Variants in PCDHGA8 observed in about 807,000 individuals in gnomAD.
The protein encoded by PCDHGA8 is protocadherin gamma-A8.
A neutral mutation model predicts 59.2 loss-of-function variants in PCDHGA8; 45 were observed. The observed-to-expected ratio is 0.76, with a 90% CI of 0.60 to 0.98. The LOEUF (loss-of-function observed/expected upper bound fraction) is 0.98, where lower values mean the gene tolerates loss of function less well. PCDHGA8 is among the 50% of genes least tolerant of loss of function. The probability of loss-of-function intolerance (pLI) is 0.00; values close to 1 mark genes in which losing one functional copy is unlikely to be tolerated. For missense variants in PCDHGA8, 1,257 were observed against 1,196.2 expected, an observed-to-expected ratio of 1.05 and a Z score of -0.75; for synonymous variants, 531 against 519.0, an observed-to-expected ratio of 1.02 and a Z score of -0.32.
chr5:141,422,172 C>A, intron 1 of PCDHGA8: 2 of 1,564,780 alleles, frequency 1.3e-6, no homozygotes, highest in Non-Finnish European at 1.7e-6. Context: ...AATATAGATT[C>A]TATGAGATGG....
intron 1 of PCDHGA8, among the ~76,000 whole-genome samples, chr5:141,459,747 A>G (rs553965181): frequency 3.2e-4 from 48 of 152,318 alleles, no homozygotes; most frequent in African/African-American, 1.1e-3. Flanking sequence ...AATTTTAGCA[A>G]TTCTAGTGGG....
In PCDHGA8 at chr5:141,477,629, C is replaced by A. The variant is rs1191573380; in HGVS notation, c.2425-17178C>A. The A allele has an allele frequency of 6.2e-7, 1 of 1,614,040 alleles. No individual in the cohort carries two copies. The highest frequency in any genetic ancestry group is 8.5e-7 in the Non-Finnish European group (1 of 1,180,040). ...CTTGGAGCAAGGAGCTGAAACCGGGCTAGTGGGTCGCTATTTCACAATAAA... is the reference window on the plus strand; with the variant it reads ...CTTGGAGCAAGGAGCTGAAACCGGGATAGTGGGTCGCTATTTCACAATAAA... On this transcript the variant is annotated intron_variant, in intron 1 of 3. Coordinates refer to ENST00000398604, the MANE Select transcript of PCDHGA8 (RefSeq NM_032088.2). The surrounding 1 kb of genome is among the most constrained non-coding windows in gnomAD (Gnocchi z 4.9).
chr5:141,431,973 TC>T lies in PCDHGA8; in HGVS notation c.2424+36737del, dbSNP rs770294598. 13 of 1,614,100 alleles carry T rather than the reference TC, an allele frequency of 8.1e-6. No individual in the cohort carries two copies. The highest frequency in any genetic ancestry group is 1.0e-5 in the Non-Finnish European group (12 of 1,180,038). On this transcript the variant is annotated intron_variant, in intron 1 of 3. Transcript: ENST00000398604. This position sits in a 1 kb window ranked among gnomAD's most constrained non-coding sequence, Gnocchi z 4.8. ...TCTTACGGAAATTACTATAGTTTAG[TC>T]ACAGACATAGTCTTGGATAGGGAAC...
chr5:141,427,960 G>A, intron 1 of PCDHGA8: 2 of 1,589,168 alleles, frequency 1.3e-6, no homozygotes, highest in East Asian at 2.2e-5. Context: ...AATGTGCCGC[G>A]GGTGCTGTAC....
chr5:141,487,258 G>A lies in PCDHGA8; in HGVS notation c.2425-7549G>A, dbSNP rs368598017. The A allele has an allele frequency of 3.7e-6, 6 of 1,614,026 alleles. No homozygotes were observed. Among genetic ancestry groups the A allele is most frequent in the Non-Finnish European group, 4.2e-6 (5 of 1,180,030 alleles). On this transcript the variant is annotated intron_variant, in intron 1 of 3. Transcript: ENST00000398604. The surrounding 1 kb of genome is among the most constrained non-coding windows in gnomAD (Gnocchi z 5.0). ...CTCGTCTAACCCTCTACTTGGCTGT[G>A]TCCCTAGTGGCAATTTGCTTTGTCT...
At chr5:141,427,700 C>A in intron 1 of PCDHGA8, 3 of 945,490 alleles carry the variant, frequency 3.2e-6, no homozygotes, top group South Asian at 2.7e-5. Flanking sequence ...TCCCACAAGT[C>A]AGCGCCTCTG....
intron 1 of PCDHGA8, chr5:141,411,324 C>T (rs1171274674): frequency 1.3e-5 from 2 of 152,166 alleles, no homozygotes; most frequent in Admixed American, 6.5e-5. Context: ...AATCACAGCA[C>T]TTTGATAGGC....
chr5:141,506,506 C>T (rs1279198463), intron 3 of PCDHGA8, among the ~76,000 whole-genome samples: 2 of 151,030 alleles, frequency 1.3e-5, no homozygotes. Context: ...GATTCAAATC[C>T]TGGCACCTGG....
chr5:141,432,374 C>T lies in PCDHGA8; in HGVS notation c.2424+37137C>T. The T allele has an allele frequency of 6.2e-7, 1 of 1,614,240 alleles. No individual in the cohort carries two copies. The highest frequency in any genetic ancestry group is 1.1e-5 in the South Asian group (1 of 91,082). ...GAAAGTGATGGCGCGGGACAACGGG[C>T]ACCCGCCCCTCAGCAGCAACGTGTC... On this transcript the variant is annotated intron_variant, in intron 1 of 3. Transcript: ENST00000398604. The surrounding 1 kb of genome is among the most constrained non-coding windows in gnomAD (Gnocchi z 6.0).
chr5:141,438,623 TATATATATATATACAC>T (rs1207200307), intron 1 of PCDHGA8, among the ~76,000 whole-genome samples: 21 of 42,842 alleles, frequency 4.9e-4, no homozygotes, highest in South Asian at 2.6e-3. Flanking sequence ...TATATATATA[TATATATATATATACAC>T]ACACACACAC....
At chr5:141,398,580 A>G in intron 1 of PCDHGA8, 1 of 1,614,044 alleles carries the variant, frequency 6.2e-7, no homozygotes, top group Non-Finnish European at 8.5e-7. Context: ...CTGGCACAAG[A>G]TTTATACTAG....
chr5:141,475,644 A>C (rs1021491842), intron 1 of PCDHGA8, among the ~76,000 whole-genome samples: 2 of 152,238 alleles, frequency 1.3e-5, no homozygotes, highest in Non-Finnish European at 2.9e-5. Context: ...TCTTGTGATC[A>C]AAGAAAGTGA....
intron 1 of PCDHGA8, chr5:141,411,163 C>T (rs1001422146): frequency 6.6e-6 from 1 of 152,132 alleles, no homozygotes; most frequent in African/African-American, 2.4e-5. Context: ...TTCTGACTAT[C>T]GAACAGAAGC....
At position 141,409,757 on chromosome 5, in the gene PCDHGA8, G is replaced by A; in HGVS notation, c.2424+14520G>A. The A allele has an allele frequency of 6.8e-6, 11 of 1,612,986 alleles. No individual in the cohort carries two copies. The highest frequency in any genetic ancestry group is 9.3e-6 in the Non-Finnish European group (11 of 1,179,838). ...GAGCGGGGTGGTGTTCGCGCAGCGCGCCTTTGATCACGAGCAGCTGCGCGC... is the reference window on the plus strand; with the variant it reads ...GAGCGGGGTGGTGTTCGCGCAGCGCACCTTTGATCACGAGCAGCTGCGCGC... On this transcript the variant is annotated intron_variant, in intron 1 of 3. Coordinates refer to ENST00000398604, the MANE Select transcript of PCDHGA8 (RefSeq NM_032088.2).
intron 1 of PCDHGA8, among the ~76,000 whole-genome samples, chr5:141,466,514 T>C (rs1276000407): frequency 6.6e-6 from 1 of 152,226 alleles, no homozygotes; most frequent in Non-Finnish European, 1.5e-5. Context: ...AAGATCATTT[T>C]TTTTCCTCCC....
At position 141,485,576 on chromosome 5, in the gene PCDHGA8, C is replaced by A; in HGVS notation, c.2425-9231C>A. 1 of 1,612,412 alleles carries A rather than the reference C, an allele frequency of 6.2e-7. No individual in the cohort carries two copies. The highest frequency in any genetic ancestry group is 8.5e-7 in the Non-Finnish European group (1 of 1,178,628). On this transcript the variant is annotated intron_variant, in intron 1 of 3. Transcript: ENST00000398604. The surrounding 1 kb of genome is among the most constrained non-coding windows in gnomAD (Gnocchi z 5.7). ...GAATGATCACGCCCCCCGTTTTCCGCGGCAGCAGCTGGACTTGGAAATTGG... is the reference window on the plus strand; with the variant it reads ...GAATGATCACGCCCCCCGTTTTCCGAGGCAGCAGCTGGACTTGGAAATTGG...
chr5:141,472,673 C>T (rs2099292538), intron 1 of PCDHGA8, among the ~76,000 whole-genome samples: 3 of 151,340 alleles, frequency 2.0e-5, no homozygotes, highest in Admixed American at 2.0e-4. Context: ...GTATACTGGT[C>T]CTTCCATTTC....
At chr5:141,492,710 G>A (rs11953270) in intron 1 of PCDHGA8, among the ~76,000 whole-genome samples, 27,341 of 152,278 alleles carry the variant, frequency 0.18, 2,647 homozygotes, top group Admixed American at 0.28. Flanking sequence ...GAAGCCTCGA[G>A]CAGGCGGACA....
chr5:141,477,315 C>G lies in PCDHGA8; in HGVS notation c.2425-17492C>G. 2 of 1,614,188 alleles carry G rather than the reference C, an allele frequency of 1.2e-6. No individual in the cohort carries two copies. Among genetic ancestry groups the G allele is most frequent in the African/African-American group, 2.7e-5 (2 of 75,042 alleles). On this transcript the variant is annotated intron_variant, in intron 1 of 3. Coordinates refer to ENST00000398604, the MANE Select transcript of PCDHGA8 (RefSeq NM_032088.2). The surrounding 1 kb of genome is among the most constrained non-coding windows in gnomAD (Gnocchi z 4.9). ...CCACCGGGTCTCCCTTTCAGCCTTA[C>G]TTCTTCCCTCAAGAATTACTTCACT...
Sources: gnomAD v4.1 joint callset for allele counts (sites outside exome capture counted in the v4.1 genomes callset) on GRCh38, gnomAD v4.1.1 for gene constraint, Gnocchi (gnomAD v3.1) non-coding constraint, MANE v1.5 for transcripts, NCBI Gene and HGNC (gene_info 2026-07-23, HGNC 2026-07-21) for gene names.